Variants in ARHGEF10 observed in about 807,000 individuals in gnomAD.
ARHGEF10 encodes the protein Rho guanine nucleotide exchange factor (GEF) 10.
A neutral mutation model predicts 147.4 loss-of-function variants in ARHGEF10; 140 were observed. That is an observed-to-expected ratio of 0.95 (90% confidence interval 0.83 to 1.09). ARHGEF10 has a LOEUF of 1.09. Ranked by LOEUF, ARHGEF10 falls within the 50% of genes least tolerant of loss-of-function variation. The probability of loss-of-function intolerance (pLI) is 0.00; values close to 1 mark genes in which losing one functional copy is unlikely to be tolerated. For synonymous variants in ARHGEF10, 902 were observed against 695.8 expected (o/e 1.30, Z -4.67); for missense variants, 2,222 against 1,752.7 (o/e 1.27, Z -4.78).
chr8:1,854,241 C>T (rs1047949960), intron 2 of ARHGEF10, among the ~76,000 whole-genome samples: 6 of 151,988 alleles, frequency 3.9e-5, no homozygotes, highest in South Asian at 2.1e-4. Context: ...CAGAGGGCGG[C>T]GCAGCCTCAC....
chr8:1,881,991 CG>C (rs1238324817), intron 9 of ARHGEF10, among the ~76,000 whole-genome samples: 8 of 152,300 alleles, frequency 5.3e-5, no homozygotes, highest in African/African-American at 1.9e-4. Context: ...TCTAGGCAGC[CG>C]TGAGTGTCCA....
At position 1,930,863 on chromosome 8, in the gene ARHGEF10, C is replaced by T. The variant is rs1813081735; in HGVS notation, c.3079+1420C>T. Among the ~76,000 whole-genome samples, 8 of 152,364 alleles carry T rather than the reference C, an allele frequency of 5.3e-5. No homozygotes were observed. In the South Asian group the frequency reaches 1.7e-3, roughly 32 times the overall value. ...GAGTAAGCACAGGAGCCGCTCCTGT[C>T]TCGTCCCTCAGCCATCTGGAGTGTG... On this transcript the variant is annotated intron_variant, in intron 25 of 28. Transcript: ENST00000349830.
Position 1,933,806 on chromosome 8 carries a change from C to T in ARHGEF10, c.3086C>T (p.Ser1029Phe). The T allele has an allele frequency of 6.2e-7, 1 of 1,614,146 alleles. No homozygotes were observed. The highest frequency in any genetic ancestry group is 8.5e-7 in the Non-Finnish European group (1 of 1,180,008). ...VASYARAPDGSWDSEPQKVIK... is the reference protein window; with the variant it reads ...VASYARAPDGFWDSEPQKVIK... ...TGAAATATTTTCTTTTAAGATGGAT[C>T]CTGGGATTCAGAACCTCAAAAAGTG... The change falls in exon 26 of 29, where the codon TCC becomes TTC. Residue 1029 changes from serine to phenylalanine, a missense_variant. Ser to Phe is a radical substitution (Grantham distance 155). Coordinates refer to ENST00000349830, the MANE Select transcript of ARHGEF10 (RefSeq NM_014629.4).
At chr8:1,861,547 C>T (rs532218178) in intron 4 of ARHGEF10, among the ~76,000 whole-genome samples, 33 of 152,344 alleles carry the variant, frequency 2.2e-4, no homozygotes, top group African/African-American at 7.7e-4. Flanking sequence ...AATGGAAGCC[C>T]ACAGCCTCTA....
intron 14 of ARHGEF10, 103 bp from the exon 15 acceptor site, chr8:1,898,330 T>C: frequency 9.8e-7 from 1 of 1,020,932 alleles, no homozygotes; most frequent in Non-Finnish European, 1.5e-6. Context: ...GTGCAGGCTT[T>C]TGACTTTCCC....
chr8:1,864,478 T>C, intron 5 of ARHGEF10, 42 bp downstream of exon 5: 1 of 1,589,610 alleles, frequency 6.3e-7, no homozygotes, highest in Non-Finnish European at 8.6e-7. Context: ...ATTCCCGCCT[T>C]TCTCCTGAGG....
chr8:1,909,245 A>C, intron 17 of ARHGEF10, 50 bp from the exon 18 acceptor site: 1 of 1,606,984 alleles, frequency 6.2e-7, no homozygotes, highest in Admixed American at 1.7e-5. Flanking sequence ...ACATTACCAT[A>C]ACGTGTTCAT....
intron 10 of ARHGEF10, 28 bp downstream of exon 10, chr8:1,882,777 G>A (rs1304132778): frequency 2.0e-6 from 3 of 1,491,498 alleles, no homozygotes; most frequent in Non-Finnish European, 1.8e-6. Flanking sequence ...TTCTTGCGGG[G>A]AGGACACGGG....
At chr8:1,834,762 G>T (rs910053997) in intron 1 of ARHGEF10, among the ~76,000 whole-genome samples, 5 of 152,176 alleles carry the variant, frequency 3.3e-5, no homozygotes, top group African/African-American at 9.7e-5. Flanking sequence ...TTTCCTCCTC[G>T]TGGATTTATG....
intron 1 of ARHGEF10, among the ~76,000 whole-genome samples, chr8:1,831,744 C>G (rs767231407): frequency 5.3e-5 from 8 of 152,234 alleles, no homozygotes; most frequent in South Asian, 2.1e-4. Context: ...GCGGGTCGTG[C>G]ACTGCTCGCT....
At chr8:1,929,558 C>A in intron 25 of ARHGEF10, 115 bp downstream of exon 25, 1 of 1,302,644 alleles carries the variant, frequency 7.7e-7, no homozygotes, top group Non-Finnish European at 1.0e-6. Context: ...CCCTGTGCCT[C>A]CGCCCCTGCG....
intron 15 of ARHGEF10, among the ~76,000 whole-genome samples, chr8:1,902,326 A>C (rs1810534144): frequency 1.3e-5 from 2 of 152,204 alleles, no homozygotes; most frequent in South Asian, 2.1e-4. Flanking sequence ...GGCCCTGCAT[A>C]AAACCAAGGT....
rs116635424 is a variant in ARHGEF10 at position 1,858,949 on chromosome 8, G to A, written c.193+834G>A. 3.0e-3 allele frequency: 456 copies of A among 151,198 alleles called. 1 individual carries two copies. The highest frequency in any genetic ancestry group is 0.012 in the African/African-American group (431 of 35,258). 9.4% of individuals were successfully genotyped at this position (151,198 alleles called of 1,614,324 possible). A position where few individuals can be genotyped will look rare whatever the true frequency, so the allele number is the denominator to read the frequency against. ...TAGCACCCACCTCTTGGCTTGTACC[G>A]TGTTTCTTTGTGCGTAGCACCAGCC... On this transcript the variant is annotated intron_variant, in intron 3 of 28. Coordinates refer to ENST00000349830, the MANE Select transcript of ARHGEF10 (RefSeq NM_014629.4).
chr8:1,825,077 T>C (rs866704185), intron 1 of ARHGEF10, among the ~76,000 whole-genome samples: 17 of 328 alleles, frequency 0.052, no homozygotes, highest in South Asian at 0.5. Context: ...CCCCCCGCAC[T>C]CCACCTGTCC....
intron 25 of ARHGEF10, among the ~76,000 whole-genome samples, chr8:1,931,544 G>A (rs73671059): frequency 0.095 from 14,522 of 152,142 alleles, 1,664 homozygotes; most frequent in African/African-American, 0.27. Flanking sequence ...GAGCTGTCCG[G>A]CGTACCGTGT....
chr8:1,888,151 G>T lies in ARHGEF10; in HGVS notation c.1182+2444G>T, dbSNP rs1242593697. ...AGGGTTTGCGAGGAGACACTTAGTG[G>T]GGCGAGGGTTGCGAGGAGACAGTGA... is the stretch of plus-strand genomic sequence containing the variant. On this transcript the variant is annotated intron_variant, in intron 11 of 28. Transcript: ENST00000349830. 7.2e-4 allele frequency among the ~76,000 whole-genome samples: 55 copies of T among 76,554 alleles called. 4 individuals carry two copies. The highest frequency in any genetic ancestry group is 2.0e-3 in the African/African-American group (48 of 23,600). 50.2% of individuals were successfully genotyped at this position (76,554 alleles called of 152,430 possible). A position where few individuals can be genotyped will look rare whatever the true frequency, so the allele number is the denominator to read the frequency against.
At position 1,859,949 on chromosome 8, in the gene ARHGEF10, G is replaced by A; in HGVS notation, c.246G>A (p.Lys82=). Residue 82 remains lysine, a synonymous_variant, in exon 4 of 29, where the codon AAG becomes AAA. Coordinates refer to ENST00000349830, the MANE Select transcript of ARHGEF10 (RefSeq NM_014629.4). ...CCACCCCAGTGGCAGAGCCTACTAA[G>A]CTGGTGCTCCCGATGAAAGTCAACC... ...AETTPVAEPT[K]LVLPMKVNPY... 17 of 1,614,194 alleles carry A rather than the reference G, an allele frequency of 1.1e-5. No homozygotes were observed. Among genetic ancestry groups the A allele is most frequent in the Non-Finnish European group, 1.4e-5 (17 of 1,180,032 alleles).
At chr8:1,845,155 A>C (rs1804457250) in intron 2 of ARHGEF10, among the ~76,000 whole-genome samples, 1 of 152,178 alleles carries the variant, frequency 6.6e-6, no homozygotes, top group Admixed American at 6.5e-5. Context: ...TAAAGGTGGA[A>C]CATGAGGCAG....
In ARHGEF10 at chr8:1,864,400, A is replaced by C; in HGVS notation, c.509A>C (p.Gln170Pro). 1 of 1,614,204 alleles carries C rather than the reference A, an allele frequency of 6.2e-7. No homozygotes were observed. The highest frequency in any genetic ancestry group is 8.5e-7 in the Non-Finnish European group (1 of 1,180,036). The change falls in exon 5 of 29, where the codon CAG becomes CCG. Residue 170 changes from glutamine to proline, a missense_variant. Gln to Pro is a moderately conservative substitution (Grantham distance 76, BLOSUM62 -1). Transcript: ENST00000349830. Reference protein sequence around the residue: ...EETPEVTEDRQPNSLSSEEPP... With the variant: ...EETPEVTEDRPPNSLSSEEPP... The stretch of plus-strand genomic sequence containing the variant: ...ACACCAGAAGTCACAGAAGATCGCC[A>C]GCCCAATTCTCTGAGTTCCGAGGAG...
Sources: allele counts gnomAD v4.1 joint callset (sites outside exome capture counted in the v4.1 genomes callset), GRCh38; gene constraint gnomAD v4.1.1; transcripts MANE v1.5; gene names NCBI Gene and HGNC (gene_info 2026-07-23, HGNC 2026-07-21).